Variants in CSMD2 observed in about 807,000 individuals in gnomAD.
CSMD2 encodes CUB and Sushi multiple domains 2.
Under a neutral mutation model 398.5 loss-of-function variants are expected in CSMD2, and 130 were observed. The observed-to-expected ratio is 0.33, with a 90% CI of 0.28 to 0.38. The LOEUF (loss-of-function observed/expected upper bound fraction) is 0.38, where lower values mean the gene tolerates loss of function less well. Ranked by LOEUF, CSMD2 falls within the 10% of genes least tolerant of loss-of-function variation. The pLI is 1.00. For synonymous variants in CSMD2, 1,828 were observed against 1,908.5 expected, an observed-to-expected ratio of 0.96 and a Z score of 1.10; for missense variants, 3,829 against 4,764.9, an observed-to-expected ratio of 0.80 and a Z score of 5.78.
intron 2 of CSMD2, among the ~76,000 whole-genome samples, chr1:34,047,307 T>C (rs1438126980): frequency 1.3e-5 from 2 of 152,200 alleles, no homozygotes; most frequent in Non-Finnish European, 2.9e-5. Context: ...TTCCTCCAGC[T>C]ACCTCATCTC....
intron 13 of CSMD2, among the ~76,000 whole-genome samples, chr1:33,760,394 G>C (rs925597112): frequency 1.3e-5 from 2 of 152,164 alleles, no homozygotes; most frequent in East Asian, 3.8e-4. Flanking sequence ...AAGGCCTCCT[G>C]CCCTATGCTA....
chr1:33,997,537 C>G (rs1352247603), intron 3 of CSMD2, among the ~76,000 whole-genome samples: 1 of 152,190 alleles, frequency 6.6e-6, no homozygotes, highest in Non-Finnish European at 1.5e-5. Context: ...CTGTCTTCCT[C>G]CCCTCTCTCA....
At chr1:33,661,824 T>C (rs1249662225) in intron 26 of CSMD2, among the ~76,000 whole-genome samples, 1 of 152,130 alleles carries the variant, frequency 6.6e-6, no homozygotes, top group Non-Finnish European at 1.5e-5. Flanking sequence ...GCCAGGGATA[T>C]ACCCCAACCA....
intron 5 of CSMD2, chr1:33,864,411 G>T: frequency 1.2e-6 from 2 of 1,613,440 alleles, no homozygotes; most frequent in Non-Finnish European, 1.7e-6. Context: ...ATACCAGGAA[G>T]AAATGATGAA....
At chr1:33,856,597 G>A (rs1049651725) in intron 5 of CSMD2, among the ~76,000 whole-genome samples, 5 of 152,098 alleles carry the variant, frequency 3.3e-5, no homozygotes, top group African/African-American at 1.2e-4. Flanking sequence ...ATCAGTGTGT[G>A]CCTGCCACTT....
At chr1:33,840,945 C>G (rs1298233596) in intron 6 of CSMD2, among the ~76,000 whole-genome samples, 1 of 152,222 alleles carries the variant, frequency 6.6e-6, no homozygotes, top group African/African-American at 2.4e-5. Flanking sequence ...AGCCAAGTCA[C>G]AGGCAAGAAC....
chr1:33,837,549 G>A (rs1320371925), intron 6 of CSMD2, among the ~76,000 whole-genome samples: 1 of 152,162 alleles, frequency 6.6e-6, no homozygotes, highest in Non-Finnish European at 1.5e-5. Context: ...ACCCCCGATA[G>A]TATGCTTAAT....
intron 3 of CSMD2, among the ~76,000 whole-genome samples, chr1:33,960,874 T>C (rs891219920): frequency 1.6e-4 from 24 of 152,198 alleles, no homozygotes; most frequent in African/African-American, 5.5e-4. Context: ...AGTGAGTTAT[T>C]GGGAGGCAGT....
At chr1:33,520,231 C>T (rs2148520755) in intron 68 of CSMD2, among the ~76,000 whole-genome samples, 1 of 152,334 alleles carries the variant, frequency 6.6e-6, no homozygotes. Flanking sequence ...TCAACAGAAA[C>T]TCTTACAAGG....
chr1:33,947,188 C>T (rs953207642), intron 3 of CSMD2, among the ~76,000 whole-genome samples: 3 of 152,178 alleles, frequency 2.0e-5, no homozygotes, highest in Non-Finnish European at 4.4e-5. Flanking sequence ...AGGCTGCACA[C>T]CTGGAAGGTT....
chr1:33,894,790 A>G (rs1437516626), intron 5 of CSMD2, among the ~76,000 whole-genome samples: 1 of 152,108 alleles, frequency 6.6e-6, no homozygotes, highest in Non-Finnish European at 1.5e-5. Flanking sequence ...TCAGACACAT[A>G]ATATGCCTAG....
In CSMD2 at chr1:33,846,127, T is replaced by A. The variant is rs557220451; in HGVS notation, c.1033+757A>T. On this transcript the variant is annotated intron_variant, in intron 6 of 70. Transcript: ENST00000373381. ...AAAGGAATGTGCTCATCCGCTCCCA[T>A]CTATCAGCTGGATTTTTGGATCTCT... Among the ~76,000 whole-genome samples the A allele has an allele frequency of 6.6e-5, 10 of 152,364 alleles. No individual in the cohort carries two copies. In the South Asian group the frequency reaches 2.1e-3, roughly 32 times the overall value.
intron 5 of CSMD2, among the ~76,000 whole-genome samples, chr1:33,881,627 T>C (rs1641245634): frequency 6.6e-6 from 1 of 152,118 alleles, no homozygotes; most frequent in African/African-American, 2.4e-5. Context: ...TGAGTTGGGA[T>C]GGAGTCGGAT....
intron 31 of CSMD2, among the ~76,000 whole-genome samples, chr1:33,634,763 C>T (rs1642693128): frequency 6.6e-6 from 1 of 152,176 alleles, no homozygotes; most frequent in African/African-American, 2.4e-5. Context: ...CTTTGGTTCT[C>T]AGATGGGACA....
At chr1:33,958,427 G>C (rs547284744) in intron 3 of CSMD2, among the ~76,000 whole-genome samples, 1 of 152,162 alleles carries the variant, frequency 6.6e-6, no homozygotes, top group Non-Finnish European at 1.5e-5. Context: ...AATAGGACCC[G>C]TAGAGATGAT....
intron 55 of CSMD2, among the ~76,000 whole-genome samples, chr1:33,551,753 C>T (rs1391046250): frequency 6.6e-6 from 1 of 152,200 alleles, no homozygotes; most frequent in Non-Finnish European, 1.5e-5. Flanking sequence ...TTTCCCCTCC[C>T]CTTGAATCAG....
At chr1:34,022,342 G>A (rs1454355370) in intron 3 of CSMD2, among the ~76,000 whole-genome samples, 2 of 152,182 alleles carry the variant, frequency 1.3e-5, no homozygotes, top group Non-Finnish European at 2.9e-5. Flanking sequence ...ATGATAAGGG[G>A]TCAGAGGAGG....
At chr1:34,158,568 CT>C (rs1328371775) in intron 1 of CSMD2, among the ~76,000 whole-genome samples, 1 of 152,210 alleles carries the variant, frequency 6.6e-6, no homozygotes, top group Non-Finnish European at 1.5e-5. Flanking sequence ...AGAGAAAAGA[CT>C]CCCCCCACTG....
chr1:33,756,385 A>G (rs1649019089), intron 13 of CSMD2, among the ~76,000 whole-genome samples: 1 of 152,198 alleles, frequency 6.6e-6, no homozygotes, highest in African/African-American at 2.4e-5. Context: ...ATGGATAAGC[A>G]AGTCCTTAGC....
Sources: gnomAD v4.1 joint callset for allele counts (sites outside exome capture counted in the v4.1 genomes callset) on GRCh38, gnomAD v4.1.1 for gene constraint, MANE v1.5 for transcripts, NCBI Gene and HGNC (gene_info 2026-07-23, HGNC 2026-07-21) for gene names.